Variants in LYPD8 observed in about 807,000 individuals in gnomAD.
LYPD8 encodes ly6/PLAUR domain-containing protein 8.
LYPD8 carries 8 observed loss-of-function variants against 1.7 expected under a neutral mutation model. That is an observed-to-expected ratio of 4.58 (90% CI 2.69 to 8.27). LYPD8 has a LOEUF of 8.27. LYPD8 is among the 30% of genes most tolerant of loss of function. The probability of loss-of-function intolerance (pLI) is 0.00; values close to 1 mark genes in which losing one functional copy is unlikely to be tolerated. For missense variants in LYPD8, 112 were observed against 102.3 expected, an observed-to-expected ratio of 1.09 and a Z score of -0.41; for synonymous variants, 50 against 43.6, an observed-to-expected ratio of 1.15 and a Z score of -0.58.
chr1:248,740,607 A>C (rs782190943), intron 6 of LYPD8, among the ~76,000 whole-genome samples: 6 of 152,148 alleles, frequency 3.9e-5, no homozygotes, highest in Admixed American at 1.3e-4. Flanking sequence ...AAGTGACTCC[A>C]CTCACCACTT....
intron 4 of LYPD8, among the ~76,000 whole-genome samples, chr1:248,749,961 A>G (rs1662769736): frequency 6.6e-6 from 1 of 152,148 alleles, no homozygotes; most frequent in African/African-American, 2.4e-5. Context: ...CAAAATGTTA[A>G]TAACTGCTGA....
chr1:248,746,584 CG>C (rs1662730086), intron 5 of LYPD8, among the ~76,000 whole-genome samples: 7 of 150,370 alleles, frequency 4.7e-5, no homozygotes, highest in East Asian at 4.0e-4. Context: ...CCCAGGGCAT[CG>C]CCCGCACGGC....
intron 6 of LYPD8, among the ~76,000 whole-genome samples, chr1:248,741,773 T>C (rs539680258): frequency 3.3e-5 from 5 of 152,178 alleles, no homozygotes; most frequent in Admixed American, 6.5e-5. Context: ...TTAAAAATCA[T>C]AGCAGCTTAG....
chr1:248,749,656 C>T lies in LYPD8; in HGVS notation c.172+868G>A, dbSNP rs1274495604. On this transcript the variant is annotated intron_variant, in intron 4 of 6. Coordinates refer to ENST00000590317, the MANE Select transcript of LYPD8 (RefSeq NM_001085474.2). ...CATGACATCAATGCATTCACAAGGGCGGAGTCCTCACAGCCTAATCACTTC... is the reference window on the plus strand; with the variant it reads ...CATGACATCAATGCATTCACAAGGGTGGAGTCCTCACAGCCTAATCACTTC... Among the ~76,000 whole-genome samples the T allele has an allele frequency of 5.3e-5, 8 of 152,206 alleles. No homozygotes were observed. The East Asian group carries it at 7.7e-4, about 15-fold the overall frequency.
At position 248,739,740 on chromosome 1, in the gene LYPD8, C is replaced by T. The variant is rs1662553063; in HGVS notation, c.585G>A (p.Lys195=). Residue 195 remains lysine, a synonymous_variant, in exon 7 of 7, where the codon AAG becomes AAA. Transcript: ENST00000590317. The surrounding 1 kb of genome is among the most constrained non-coding windows in gnomAD (Gnocchi z 4.3). ...NKTLGGVIFR[K]FECANVNSLT... is the part of the protein sequence containing the mutation. ...AGCTGTTTACATTTGCACACTCAAA[C>T]TTTCGAAAGATGACTCCTCCAAGAG... 1 of 1,551,718 alleles carries T rather than the reference C, an allele frequency of 6.4e-7. No homozygotes were observed. The highest frequency in any genetic ancestry group is 8.7e-7 in the Non-Finnish European group (1 of 1,146,974).
intron 2 of LYPD8, among the ~76,000 whole-genome samples, chr1:248,751,365 G>A (rs1385158062): frequency 1.3e-5 from 2 of 152,174 alleles, no homozygotes; most frequent in African/African-American, 2.4e-5. Context: ...ACAGCCAGGG[G>A]CCATTTCCCG....
At chr1:248,754,838 A>AC (rs1662897587) in intron 2 of LYPD8, among the ~76,000 whole-genome samples, 1 of 151,582 alleles carries the variant, frequency 6.6e-6, no homozygotes, top group Admixed American at 6.6e-5. Context: ...GGCCCGGTGC[A>AC]CCCCTACATG....
chr1:248,752,784 CCACA>C (rs1191415536), intron 2 of LYPD8, among the ~76,000 whole-genome samples: 1 of 104,050 alleles, frequency 9.6e-6, no homozygotes, highest in African/African-American at 4.2e-5. Flanking sequence ...ACAACACACA[CCACA>C]CACACACCAC....
chr1:248,748,540 C>T (rs1662749415), intron 4 of LYPD8, 87 bp from the exon 5 acceptor site: 2 of 397,798 alleles, frequency 5.0e-6, no homozygotes, highest in East Asian at 7.1e-5. Flanking sequence ...CTGTTTCAGG[C>T]AAAGGCAGAA....
At chr1:248,753,292 C>CA (rs1662859083) in intron 2 of LYPD8, among the ~76,000 whole-genome samples, 1 of 85,230 alleles carries the variant, frequency 1.2e-5, no homozygotes, top group African/African-American at 5.4e-5. Context: ...CACACACACA[C>CA]CACACACACC....
chr1:248,749,461 T>G (rs1662761642), intron 4 of LYPD8, among the ~76,000 whole-genome samples: 1 of 152,192 alleles, frequency 6.6e-6, no homozygotes, highest in Non-Finnish European at 1.5e-5. Flanking sequence ...ATAAAGAGAA[T>G]AAATTTATTA....
chr1:248,751,669 G>A (rs1004098815), intron 2 of LYPD8, among the ~76,000 whole-genome samples: 1 of 152,130 alleles, frequency 6.6e-6, no homozygotes, highest in Non-Finnish European at 1.5e-5. Context: ...ATTATTATTA[G>A]CATCCTAAGA....
rs1351130842 is a variant in LYPD8, at chr1:248,739,736, C to G, written c.589G>C (p.Glu197Gln). The part of the protein sequence containing the change: ...TLGGVIFRKF[E>Q]CANVNSLTPT... Reference sequence around the variant, plus strand: ...GTTAAGCTGTTTACATTTGCACACTCAAACTTTCGAAAGATGACTCCTCCA... The same window carrying G: ...GTTAAGCTGTTTACATTTGCACACTGAAACTTTCGAAAGATGACTCCTCCA... The change falls in exon 7 of 7, where the codon GAG becomes CAG. Residue 197 changes from glutamate (E) to glutamine (Q), a missense_variant. Glu to Gln is a conservative substitution (Grantham distance 29). Coordinates refer to ENST00000590317, the MANE Select transcript of LYPD8 (RefSeq NM_001085474.2). The surrounding 1 kb of genome is among the most constrained non-coding windows in gnomAD (Gnocchi z 4.3). 7.1e-6 allele frequency: 11 copies of G among 1,551,400 alleles called. No individual in the cohort carries two copies. The highest frequency in any genetic ancestry group is 9.6e-6 in the Non-Finnish European group (11 of 1,146,814).
At chr1:248,746,285 G>A (rs1662725017) in intron 5 of LYPD8, among the ~76,000 whole-genome samples, 1 of 152,182 alleles carries the variant, frequency 6.6e-6, no homozygotes, top group African/African-American at 2.4e-5. Flanking sequence ...CAGAGGGCCT[G>A]AGATCACAAA....
intron 2 of LYPD8, among the ~76,000 whole-genome samples, chr1:248,754,097 A>G (rs1305156277): frequency 1.5e-5 from 2 of 129,338 alleles, no homozygotes; most frequent in Admixed American, 7.3e-5. Flanking sequence ...CCACATACAC[A>G]AATACCACAC....
chr1:248,750,450 T>G (rs927348400), intron 4 of LYPD8, 74 bp downstream of exon 4: 2 of 398,108 alleles, frequency 5.0e-6, no homozygotes, highest in African/African-American at 4.1e-5. Context: ...CTTTCTTTCC[T>G]GCCTGGATGT....
chr1:248,748,322 C>A lies in LYPD8; in HGVS notation c.304G>T (p.Gly102Ter). The A allele has an allele frequency of 2.1e-6, 1 of 470,546 alleles. No individual in the cohort carries two copies. Among genetic ancestry groups the A allele is most frequent in the Non-Finnish European group, 3.7e-6 (1 of 269,646 alleles). 29.1% of individuals were successfully genotyped at this position (470,546 alleles called of 1,614,324 possible). A position where few individuals can be genotyped will look rare whatever the true frequency, so the allele number is the denominator to read the frequency against. Residue 102 changes from glycine (G) to a stop codon, truncating the protein, a stop_gained, in exon 5 of 7, where the codon GGA becomes TGA. Transcript: ENST00000590317. LOFTEE classifies it high-confidence loss of function. ...HFHFVSQCCQ[G>*]KECSNTSDAL... ...TCGCTGGTGTTGCTGCATTCCTTTC[C>A]TTGGCAGCACTGGCTTACAAAATGA...
chr1:248,740,022 C>G (rs571758265), intron 6 of LYPD8, 173 bp from the exon 7 acceptor site: 2 of 283,762 alleles, frequency 7.0e-6, no homozygotes, highest in South Asian at 2.7e-4. Context: ...AAGAACACCA[C>G]GCGGTAATGG....
At chr1:248,745,354 G>C in intron 5 of LYPD8, 75 bp from the exon 6 acceptor site, 1 of 397,496 alleles carries the variant, frequency 2.5e-6, no homozygotes, top group African/African-American at 2.1e-5. Flanking sequence ...GGCAAGCAAA[G>C]AAAGCACCAA....
Sources: allele counts gnomAD v4.1 joint callset (sites outside exome capture counted in the v4.1 genomes callset), GRCh38; gene constraint gnomAD v4.1.1; non-coding constraint Gnocchi (gnomAD v3.1); transcripts MANE v1.5; gene names NCBI Gene and HGNC (gene_info 2026-07-23, HGNC 2026-07-21).